ATP6V0A4: variants seen among roughly 807,000 people sequenced by gnomAD.
The protein encoded by ATP6V0A4 is ATPase H+ transporting V0 subunit a4, also known as V-type proton ATPase 116 kDa subunit a 4.
In ATP6V0A4, 86 loss-of-function variants were observed where a neutral mutation model predicts 107.3. The ratio of observed to expected loss-of-function variants is 0.80; its 90% confidence interval spans 0.67 to 0.96. The LOEUF is 0.96. Among genes scored for constraint, ATP6V0A4 ranks in the 40% least tolerant of loss-of-function variants. The pLI, the probability that ATP6V0A4 is intolerant of heterozygous loss-of-function variation, is 0.00. For synonymous variants in ATP6V0A4, 353 were observed against 381.4 expected (o/e 0.93, Z 0.87); for missense variants, 908 against 1,045.6 (o/e 0.87, Z 1.81).
In ATP6V0A4 at chr7:138,747,568, C is replaced by A. The variant is rs189734354; in HGVS notation, c.1181-4G>T. On this transcript the variant is annotated splice_polypyrimidine_tract_variant and splice_region_variant and intron_variant, in intron 12 of 21. Transcript: ENST00000310018. Reference sequence around the variant, plus strand: ...AAAGTGATGATGGTGTAGGGGGCTGCGGAGGGGAGACACACAACGCCTGAG... The same window carrying A: ...AAAGTGATGATGGTGTAGGGGGCTGAGGAGGGGAGACACACAACGCCTGAG... 4.3e-6 allele frequency: 7 copies of A among 1,613,658 alleles called. No homozygotes were observed. Among genetic ancestry groups the A allele is most frequent in the Non-Finnish European group, 5.9e-6 (7 of 1,179,934 alleles).
chr7:138,789,124 T>C (rs1404996691), intron 1 of ATP6V0A4, among the ~76,000 whole-genome samples: 2 of 152,210 alleles, frequency 1.3e-5, no homozygotes, highest in Admixed American at 6.5e-5. Flanking sequence ...TGGATATGTC[T>C]GTACATTCCA....
chr7:138,736,024 C>T, intron 15 of ATP6V0A4, among the ~76,000 whole-genome samples: 1 of 145,534 alleles, frequency 6.9e-6, no homozygotes, highest in East Asian at 2.0e-4. Flanking sequence ...GCCGAGATCG[C>T]ACAATTGCAC....
intron 3 of ATP6V0A4, among the ~76,000 whole-genome samples, chr7:138,770,491 C>A (rs1216135661): frequency 6.6e-6 from 1 of 152,182 alleles, no homozygotes; most frequent in Non-Finnish European, 1.5e-5. Context: ...CATACGAGGT[C>A]CTGTGTGAAG....
rs377704642 is a variant in ATP6V0A4, at chr7:138,734,213, C to G, written c.1614G>C (p.Ser538=). The G allele has an allele frequency of 6.2e-7, 1 of 1,613,318 alleles. No homozygotes were observed. Among genetic ancestry groups the G allele is most frequent in the African/African-American group, 1.3e-5 (1 of 74,864 alleles). Residue 538 remains serine, a synonymous_variant, in exon 16 of 22, where the codon TCG becomes TCC. Coordinates refer to ENST00000310018, the MANE Select transcript of ATP6V0A4 (RefSeq NM_020632.3). ...LASNKLTFLN[S]YKMKMSVILG... is the part of the protein sequence containing the mutation. ...GGATCACCGACATCTTCATTTTATACGAGTTCAGAAATGTGAGTTTGTTTG... is the reference window on the plus strand; with the variant it reads ...GGATCACCGACATCTTCATTTTATAGGAGTTCAGAAATGTGAGTTTGTTTG...
At chr7:138,726,020 C>G (rs191375747) in intron 18 of ATP6V0A4, among the ~76,000 whole-genome samples, 48 of 152,078 alleles carry the variant, frequency 3.2e-4, no homozygotes, top group African/African-American at 1.1e-3. Context: ...GACAGAGTCT[C>G]GTTCTGTCGC....
chr7:138,788,702 T>C (rs2130217526), intron 1 of ATP6V0A4, among the ~76,000 whole-genome samples: 1 of 152,290 alleles, frequency 6.6e-6, no homozygotes, highest in East Asian at 1.9e-4. Context: ...AGGGACTCAG[T>C]GGGAGGTAAT....
chr7:138,749,910 C>A (rs367907132), intron 11 of ATP6V0A4, among the ~76,000 whole-genome samples: 1 of 152,184 alleles, frequency 6.6e-6, no homozygotes, highest in Non-Finnish European at 1.5e-5. Flanking sequence ...GTTCTCCTTT[C>A]GGAATCTTTC....
At chr7:138,733,332 G>A (rs531115018) in intron 16 of ATP6V0A4, among the ~76,000 whole-genome samples, 7 of 147,502 alleles carry the variant, frequency 4.7e-5, no homozygotes, top group East Asian at 2.0e-4. Flanking sequence ...AGAGAACCAC[G>A]GTCTAGAAGT....
At position 138,739,578 on chromosome 7, in the gene ATP6V0A4, C is replaced by T; in HGVS notation, c.1534G>A (p.Val512Met). The change falls in exon 15 of 22, where the codon GTG (valine) becomes ATG (methionine). Residue 512 changes from valine (V) to methionine (M), a missense_variant. Val to Met is a conservative substitution (Grantham distance 21). Coordinates refer to ENST00000310018, the MANE Select transcript of ATP6V0A4 (RefSeq NM_020632.3). ...AACGGGTATGGATTTCCAAAATACA[C>T]TCCTGGTATGGCTGGGTCCAGCTGC... ...YLQLDPAIPG[V>M]YFGNPYPFGI... 3 of 1,614,194 alleles carry T rather than the reference C, an allele frequency of 1.9e-6. No individual in the cohort carries two copies. Among genetic ancestry groups the T allele is most frequent in the Non-Finnish European group, 2.5e-6 (3 of 1,180,040 alleles).
At position 138,722,996 on chromosome 7, in the gene ATP6V0A4, T is replaced by C. The variant is rs186052771; in HGVS notation, c.2011-971A>G. ...TTGCTTGAATCTGGGAGGCAGAGGT[T>C]GCAGTGAGCCAAGATTGTGCCACTG... On this transcript the variant is annotated intron_variant, in intron 18 of 21. Transcript: ENST00000310018. Among the ~76,000 whole-genome samples, 77 of 146,172 alleles carry C rather than the reference T, an allele frequency of 5.3e-4. 1 individual carries two copies. The highest frequency in any genetic ancestry group is 3.5e-3 in the Middle Eastern group (1 of 282).
rs367860030 is a variant in ATP6V0A4, at chr7:138,770,526, G to A, written c.117+605C>T. Among the ~76,000 whole-genome samples the A allele has an allele frequency of 5.9e-5, 9 of 152,314 alleles. No individual in the cohort carries two copies. In the South Asian group the frequency reaches 1.9e-3, roughly 32 times the overall value. On this transcript the variant is annotated intron_variant, in intron 3 of 21. Coordinates refer to ENST00000310018, the MANE Select transcript of ATP6V0A4 (RefSeq NM_020632.3). The stretch of plus-strand genomic sequence containing the variant: ...GAACTAGGGATGCGAACAACAAGAT[G>A]TGATTCTTCCCTGCAGGAGCTTAGC...
chr7:138,746,894 C>T (rs139913410), intron 13 of ATP6V0A4, among the ~76,000 whole-genome samples: 44 of 152,270 alleles, frequency 2.9e-4, no homozygotes, highest in African/African-American at 9.6e-4. Context: ...AGTGGGGAAA[C>T]GATGTTCAGG....
intron 5 of ATP6V0A4, 132 bp downstream of exon 5, chr7:138,768,648 A>G: frequency 9.0e-7 from 1 of 1,105,620 alleles, no homozygotes; most frequent in Non-Finnish European, 1.3e-6. Flanking sequence ...TGAGAGGGAG[A>G]CGACCATGCA....
At chr7:138,754,068 C>T (rs927056918) in intron 10 of ATP6V0A4, among the ~76,000 whole-genome samples, 10 of 152,038 alleles carry the variant, frequency 6.6e-5, no homozygotes, top group Non-Finnish European at 1.3e-4. Context: ...TAAAATCAAG[C>T]ATGGAGAATT....
intron 14 of ATP6V0A4, among the ~76,000 whole-genome samples, chr7:138,740,516 AC>A (rs773937776): frequency 1.6e-4 from 12 of 76,744 alleles, no homozygotes; most frequent in African/African-American, 6.1e-4. Context: ...AACCTCCGCC[AC>A]CCCCACCCCC....
At chr7:138,728,965 T>G (rs112913972) in intron 17 of ATP6V0A4, 103 bp from the exon 18 acceptor site, 3 of 1,596,842 alleles carry the variant, frequency 1.9e-6, no homozygotes, top group Non-Finnish European at 2.6e-6. Flanking sequence ...AGCACTTTAT[T>G]TTGAGAGATC....
At position 138,706,356 on chromosome 7, in the gene ATP6V0A4, T is replaced by C; in HGVS notation, c.*268A>G. ...TTAAAATATTGCAAGAAGACATCTG[T>C]TTAGCATTCTCCCCTCATTTGTCAA... On this transcript the variant is annotated 3_prime_UTR_variant, in exon 22 of 22. Transcript: ENST00000310018. The C allele has an allele frequency of 2.1e-6, 1 of 478,232 alleles. No homozygotes were observed. The highest frequency in any genetic ancestry group is 3.8e-6 in the Non-Finnish European group (1 of 260,144). 29.6% of individuals were successfully genotyped at this position (478,232 alleles called of 1,614,324 possible). A position where few individuals can be genotyped will look rare whatever the true frequency, so the allele number is the denominator to read the frequency against.
intron 1 of ATP6V0A4, among the ~76,000 whole-genome samples, chr7:138,791,268 C>T (rs7791136): frequency 0.57 from 87,287 of 151,834 alleles, 25,443 homozygotes; most frequent in African/African-American, 0.65. Flanking sequence ...TCATAAAAGA[C>T]TGGGCAAAAG....
At chr7:138,785,766 C>A (rs1422464615) in intron 2 of ATP6V0A4, among the ~76,000 whole-genome samples, 1 of 152,160 alleles carries the variant, frequency 6.6e-6, no homozygotes, top group Non-Finnish European at 1.5e-5. Context: ...CACAAACACA[C>A]CCATGTGCAA....
Sources: allele counts gnomAD v4.1 joint callset (sites outside exome capture counted in the v4.1 genomes callset), GRCh38; gene constraint gnomAD v4.1.1; transcripts MANE v1.5; gene names NCBI Gene and HGNC (gene_info 2026-07-23, HGNC 2026-07-21).